The following CWF19L2 variants were observed in gnomAD, a reference collection of about 807,000 sequenced individuals.
CWF19L2 encodes CWF19-like protein 2.
CWF19L2 carries 98 observed loss-of-function variants against 111.7 expected under a neutral mutation model. The observed-to-expected ratio is 0.88, with a 90% CI of 0.75 to 1.04. The LOEUF (loss-of-function observed/expected upper bound fraction) is 1.04. CWF19L2 is among the 50% of genes least tolerant of loss of function. The probability of loss-of-function intolerance (pLI) is 0.00; values close to 1 mark genes in which losing one functional copy is unlikely to be tolerated. For synonymous variants in CWF19L2, 351 were observed against 342.9 expected (o/e 1.02, Z -0.26); for missense variants, 1,101 against 1,051.4 (o/e 1.05, Z -0.65).
chr11:107,453,164 T>A (rs1055235341), intron 3 of CWF19L2, among the ~76,000 whole-genome samples: 1 of 152,194 alleles, frequency 6.6e-6, no homozygotes, highest in Non-Finnish European at 1.5e-5. Context: ...AAAATGATGC[T>A]CTACATCCTT....
intron 3 of CWF19L2, 109 bp from the exon 4 acceptor site, chr11:107,443,158 A>G: frequency 6.7e-6 from 5 of 744,182 alleles, no homozygotes; most frequent in Non-Finnish European, 1.2e-5. Context: ...AAATTCTTAC[A>G]CTGTATTTCC....
At chr11:107,384,982 T>A (rs1565262847) in intron 12 of CWF19L2, among the ~76,000 whole-genome samples, 1 of 152,196 alleles carries the variant, frequency 6.6e-6, no homozygotes, top group African/African-American at 2.4e-5. Context: ...ATACCAGCAA[T>A]ATTACTATCA....
chr11:107,419,371 G>A (rs1861272138), intron 8 of CWF19L2, among the ~76,000 whole-genome samples: 1 of 152,034 alleles, frequency 6.6e-6, no homozygotes, highest in Non-Finnish European at 1.5e-5. Context: ...CAAAGCTCAG[G>A]AATATTTATA....
At chr11:107,334,157 A>T (rs1216670731) in intron 16 of CWF19L2, among the ~76,000 whole-genome samples, 3 of 152,238 alleles carry the variant, frequency 2.0e-5, no homozygotes, top group Non-Finnish European at 4.4e-5. Flanking sequence ...CATCTTGAAC[A>T]ATGCCTGGTA....
chr11:107,364,932 C>A, intron 12 of CWF19L2, among the ~76,000 whole-genome samples: 1 of 90,548 alleles, frequency 1.1e-5, no homozygotes, highest in Admixed American at 1.2e-4. Context: ...GCTAGCAAGA[C>A]TAATAAAGAA....
intron 1 of CWF19L2, among the ~76,000 whole-genome samples, chr11:107,456,956 C>A (rs1012198274): frequency 6.6e-6 from 1 of 152,190 alleles, no homozygotes; most frequent in Admixed American, 6.5e-5. Flanking sequence ...GGCTCCTTCT[C>A]ATTTGCATTT....
intron 9 of CWF19L2, 29 bp downstream of exon 9, chr11:107,418,165 T>C: frequency 1.5e-6 from 2 of 1,334,450 alleles, no homozygotes; most frequent in Non-Finnish European, 2.2e-6. Flanking sequence ...TTAATCATTA[T>C]TCTCTAAAGC....
chr11:107,405,378 A>T (rs532654014), intron 10 of CWF19L2, among the ~76,000 whole-genome samples: 1 of 152,322 alleles, frequency 6.6e-6, no homozygotes, highest in South Asian at 2.1e-4. Flanking sequence ...AACTAATTCA[A>T]AATCACTTTA....
chr11:107,342,194 C>T (rs756680417), intron 14 of CWF19L2, among the ~76,000 whole-genome samples: 2 of 151,942 alleles, frequency 1.3e-5, no homozygotes, highest in African/African-American at 2.4e-5. Flanking sequence ...TCTCTCTCGG[C>T]ACTCCCTTAG....
At chr11:107,452,078 T>C (rs1861785659) in intron 3 of CWF19L2, among the ~76,000 whole-genome samples, 1 of 152,218 alleles carries the variant, frequency 6.6e-6, no homozygotes, top group South Asian at 2.1e-4. Flanking sequence ...TCCTAGCTAC[T>C]GAAATAAGGC....
At chr11:107,443,185 A>G in intron 3 of CWF19L2, 136 bp from the exon 4 acceptor site, 1 of 653,682 alleles carries the variant, frequency 1.5e-6, no homozygotes, top group Non-Finnish European at 2.7e-6. Flanking sequence ...CAAAATGGCA[A>G]TGAAATTTTA....
At chr11:107,390,908 T>C (rs1275134834) in intron 11 of CWF19L2, among the ~76,000 whole-genome samples, 2 of 152,192 alleles carry the variant, frequency 1.3e-5, no homozygotes, top group African/African-American at 4.8e-5. Context: ...AACCATCTAA[T>C]CAGCTGCCAG....
At chr11:107,407,035 C>T (rs1861089208) in intron 10 of CWF19L2, among the ~76,000 whole-genome samples, 2 of 151,954 alleles carry the variant, frequency 1.3e-5, no homozygotes, top group Admixed American at 1.3e-4. Context: ...TGTGATATAG[C>T]AAGTGTTTTT....
intron 8 of CWF19L2, among the ~76,000 whole-genome samples, chr11:107,427,725 T>C (rs1174716595): frequency 6.6e-6 from 1 of 152,112 alleles, no homozygotes; most frequent in Non-Finnish European, 1.5e-5. Context: ...CAATTACATA[T>C]GCATACAGCC....
rs970980718 is a variant in CWF19L2, at chr11:107,370,196, T to A, written c.1873-16460A>T. On this transcript the variant is annotated intron_variant, in intron 12 of 17. Coordinates refer to ENST00000282251, the MANE Select transcript of CWF19L2 (RefSeq NM_152434.3). The stretch of plus-strand genomic sequence containing the variant: ...TTTCTAAACTCTTAGGTGACAGTAT[T>A]TCTAAAAGTTGTTCTTCTATTAAAT... Among the ~76,000 whole-genome samples the A allele has an allele frequency of 2.2e-5, 3 of 137,392 alleles. 1 individual carries two copies. Among genetic ancestry groups the A allele is most frequent in the Non-Finnish European group, 4.7e-5 (3 of 64,132 alleles). 90.1% of individuals were successfully genotyped at this position (137,392 alleles called of 152,430 possible).
chr11:107,447,885 G>A (rs1861722454), intron 3 of CWF19L2, among the ~76,000 whole-genome samples: 1 of 151,878 alleles, frequency 6.6e-6, no homozygotes, highest in Non-Finnish European at 1.5e-5. Context: ...CTTTAACACA[G>A]CTATCATAAA....
intron 12 of CWF19L2, among the ~76,000 whole-genome samples, chr11:107,362,260 A>G (rs1190005209): frequency 1.3e-5 from 2 of 152,124 alleles, no homozygotes; most frequent in Non-Finnish European, 2.9e-5. Flanking sequence ...GGCGCCCGCC[A>G]TTGCCCAGGC....
chr11:107,355,554 T>C (rs1261656216), intron 12 of CWF19L2, among the ~76,000 whole-genome samples: 2 of 149,636 alleles, frequency 1.3e-5, no homozygotes, highest in African/African-American at 2.4e-5. Flanking sequence ...GTTCTATTCA[T>C]GTCAGACAAA....
At chr11:107,442,882 G>GAGGGAAGA (rs1555029242) in intron 4 of CWF19L2, 57 bp downstream of exon 4, 19,442 of 707,156 alleles carry the variant, frequency 0.027, 707 homozygotes, top group East Asian at 0.13. Flanking sequence ...GGGAGGGAGG[G>GAGGGAAGA]AGGAAGGAAG....
Sources: allele counts gnomAD v4.1 joint callset (sites outside exome capture counted in the v4.1 genomes callset), GRCh38; gene constraint gnomAD v4.1.1; transcripts MANE v1.5; gene names NCBI Gene and HGNC (gene_info 2026-07-23, HGNC 2026-07-21).